Variants in CAMK1D observed in about 807,000 individuals in gnomAD.
CAMK1D encodes the protein calcium/calmodulin-dependent protein kinase type 1D.
In CAMK1D, 9 loss-of-function variants were observed where a neutral mutation model predicts 47.7. The ratio of observed to expected loss-of-function variants is 0.19; its 90% CI spans 0.11 to 0.33. CAMK1D has a LOEUF of 0.33. Among genes scored for constraint, CAMK1D ranks in the 10% least tolerant of loss-of-function variants. The pLI, the probability that CAMK1D is intolerant of heterozygous loss-of-function variation, is 1.00. For missense variants in CAMK1D, 291 were observed against 488.7 expected (o/e 0.60, Z 3.81); for synonymous variants, 184 against 184.9 (o/e 0.99, Z 0.04).
chr10:12,423,647 G>A (rs977753627), intron 1 of CAMK1D, among the ~76,000 whole-genome samples: 15 of 152,218 alleles, frequency 9.9e-5, no homozygotes, highest in African/African-American at 2.9e-4. Context: ...TGGTCTGGAA[G>A]CGTCAGCGGC....
At chr10:12,827,349 T>TC (rs748192835) in intron 10 of CAMK1D, among the ~76,000 whole-genome samples, 79 of 94,828 alleles carry the variant, frequency 8.3e-4, no homozygotes, top group African/African-American at 1.9e-3. Flanking sequence ...CTTCCTTCCT[T>TC]CTTCCTTTCT....
chr10:12,662,624 C>T (rs1276973555), intron 2 of CAMK1D, among the ~76,000 whole-genome samples: 1 of 147,586 alleles, frequency 6.8e-6, no homozygotes, highest in Non-Finnish European at 1.5e-5. Context: ...TGCACTCCAG[C>T]CTCGGAGACA....
At chr10:12,507,095 G>A (rs536423248) in intron 1 of CAMK1D, among the ~76,000 whole-genome samples, 67 of 152,364 alleles carry the variant, frequency 4.4e-4, no homozygotes, top group African/African-American at 1.4e-3. Flanking sequence ...GTAATGACAG[G>A]CAAGGATGAA....
At chr10:12,406,262 G>A (rs958731881) in intron 1 of CAMK1D, among the ~76,000 whole-genome samples, 11 of 152,100 alleles carry the variant, frequency 7.2e-5, no homozygotes, top group African/African-American at 2.7e-4. Flanking sequence ...AGATACCCCT[G>A]GGGAAACAGC....
At chr10:12,518,184 C>T (rs1398257715) in intron 1 of CAMK1D, among the ~76,000 whole-genome samples, 1 of 152,158 alleles carries the variant, frequency 6.6e-6, no homozygotes, top group Non-Finnish European at 1.5e-5. Context: ...AACTGAAGCC[C>T]ACAGGCCAGC....
In CAMK1D at chr10:12,824,448, C is replaced by A; in HGVS notation, c.834-17C>A. On this transcript the variant is annotated splice_polypyrimidine_tract_variant and intron_variant, in intron 8 of 10. Transcript: ENST00000619168. ...CAGAAGAAGCACTTCAGAGCAGCAC[C>A]TTTGCCTCTGTTTCAGGATCGCTGG... 6.2e-7 allele frequency: 1 copy of A among 1,612,286 alleles called. No homozygotes were observed. The highest frequency in any genetic ancestry group is 1.1e-5 in the South Asian group (1 of 91,038).
At chr10:12,748,102 C>T (rs1835768354) in intron 3 of CAMK1D, among the ~76,000 whole-genome samples, 1 of 152,182 alleles carries the variant, frequency 6.6e-6, no homozygotes, top group South Asian at 2.1e-4. Flanking sequence ...GCTAAGAAGC[C>T]ATTCCAGAAT....
intron 2 of CAMK1D, among the ~76,000 whole-genome samples, chr10:12,583,722 C>T (rs527642483): frequency 6.9e-4 from 105 of 152,146 alleles, no homozygotes; most frequent in African/African-American, 2.4e-3. Context: ...CTGCCTCAGC[C>T]TCCCGAGTAG....
chr10:12,684,542 A>G (rs11257937), intron 3 of CAMK1D, among the ~76,000 whole-genome samples: 122,253 of 152,098 alleles, frequency 0.8, 50,499 homozygotes, highest in Non-Finnish European at 0.9. Flanking sequence ...TCAATTCATG[A>G]TCTAAATACT....
chr10:12,697,084 A>C (rs983618467), intron 3 of CAMK1D, among the ~76,000 whole-genome samples: 1 of 152,208 alleles, frequency 6.6e-6, no homozygotes, highest in African/African-American at 2.4e-5. Flanking sequence ...GGGGCAATCC[A>C]TGGAAGGTAT....
intron 2 of CAMK1D, among the ~76,000 whole-genome samples, chr10:12,636,770 A>G (rs1377407693): frequency 6.6e-6 from 1 of 152,052 alleles, no homozygotes; most frequent in Admixed American, 6.6e-5. Context: ...TTCCACAGTG[A>G]TTTTCAGTTA....
chr10:12,620,143 G>T (rs911219527), intron 2 of CAMK1D, among the ~76,000 whole-genome samples: 1 of 123,884 alleles, frequency 8.1e-6, no homozygotes, highest in Non-Finnish European at 1.6e-5. Context: ...ATAAAGCTCT[G>T]CAGTCCGCAG....
At chr10:12,522,529 A>T (rs1398860984) in intron 1 of CAMK1D, among the ~76,000 whole-genome samples, 1 of 152,012 alleles carries the variant, frequency 6.6e-6, no homozygotes, top group Non-Finnish European at 1.5e-5. Flanking sequence ...GTCATAGATC[A>T]ACAGGATCCC....
chr10:12,689,731 A>G (rs376565263), intron 3 of CAMK1D, among the ~76,000 whole-genome samples: 1 of 151,946 alleles, frequency 6.6e-6, no homozygotes, highest in Admixed American at 6.6e-5. Context: ...AGCCGAGATC[A>G]TACCATTGTA....
intron 1 of CAMK1D, among the ~76,000 whole-genome samples, chr10:12,547,682 T>TCACACACACACACACA (rs1554786375): frequency 4.3e-5 from 5 of 116,572 alleles, no homozygotes; most frequent in South Asian, 6.6e-4. Context: ...TTTCTCTCTC[T>TCACACACACACACACA]CACACACACA....
At chr10:12,805,519 C>T (rs895898562) in intron 6 of CAMK1D, among the ~76,000 whole-genome samples, 40 of 151,768 alleles carry the variant, frequency 2.6e-4, no homozygotes, top group East Asian at 4.0e-4. Context: ...TACAGGCGTG[C>T]GCCACCATGC....
intron 2 of CAMK1D, among the ~76,000 whole-genome samples, chr10:12,560,243 A>G (rs1298995719): frequency 6.6e-6 from 1 of 152,088 alleles, no homozygotes; most frequent in East Asian, 1.9e-4. Context: ...AGAGAAACTG[A>G]CACTTCAATA....
chr10:12,359,501 C>G (rs567596899), intron 1 of CAMK1D, among the ~76,000 whole-genome samples: 4 of 151,548 alleles, frequency 2.6e-5, no homozygotes, highest in Admixed American at 6.6e-5. Context: ...CCAGGCTCAG[C>G]CCTCCCCCTG....
chr10:12,407,823 C>T (rs1392360128), intron 1 of CAMK1D, among the ~76,000 whole-genome samples: 1 of 151,324 alleles, frequency 6.6e-6, no homozygotes. Context: ...AAACAAATTC[C>T]TCCTCAAGGG....
Sources: gnomAD v4.1 joint callset for allele counts (sites outside exome capture counted in the v4.1 genomes callset) on GRCh38, gnomAD v4.1.1 for gene constraint, MANE v1.5 for transcripts, NCBI Gene and HGNC (gene_info 2026-07-23, HGNC 2026-07-21) for gene names.